MYZAP: variants seen among roughly 807,000 people sequenced by gnomAD.
The protein encoded by MYZAP is myocardial zonula adherens protein, also known as GRINL1A complex locus upstream.
Under a neutral mutation model 69.4 loss-of-function variants are expected in MYZAP, and 66 were observed. The ratio of observed to expected loss-of-function variants is 0.95; its 90% confidence interval spans 0.78 to 1.17. MYZAP has a LOEUF of 1.17. MYZAP is among the 50% of genes most tolerant of loss of function. The pLI, the probability that MYZAP is intolerant of heterozygous loss-of-function variation, is 0.00. For synonymous variants in MYZAP, 256 were observed against 205.9 expected (o/e 1.24, Z -2.09); for missense variants, 611 against 556.2 (o/e 1.10, Z -0.99).
chr15:57,680,328 C>G (rs1235802038), intron 12 of MYZAP, among the ~76,000 whole-genome samples: 6 of 152,136 alleles, frequency 3.9e-5, no homozygotes, highest in South Asian at 2.1e-4. Flanking sequence ...GTCTAATCTA[C>G]TCAGTACCAT....
intron 11 of MYZAP, 91 bp downstream of exon 11, chr15:57,661,624 G>A (rs1364569832): frequency 8.9e-7 from 1 of 1,119,306 alleles, no homozygotes; most frequent in South Asian, 1.6e-5. Flanking sequence ...TAAAAATATG[G>A]CTATTTCCCG....
In MYZAP at chr15:57,632,547, G is replaced by A; in HGVS notation, c.792G>A (p.Lys264=). 3 of 1,614,126 alleles carry A rather than the reference G, an allele frequency of 1.9e-6. No individual in the cohort carries two copies. The highest frequency in any genetic ancestry group is 2.2e-5 in the South Asian group (2 of 91,066). ...QEEQRKHSAE[K]EALLEETNSF... Reference sequence around the variant, plus strand: ...AACAGAGGAAGCACAGTGCTGAGAAGGAGGCTCTTTTGGTGTGTGTGTTGT... The same window carrying A: ...AACAGAGGAAGCACAGTGCTGAGAAAGAGGCTCTTTTGGTGTGTGTGTTGT... Residue 264 remains lysine (K), a synonymous_variant, in exon 7 of 13, where the codon AAG becomes AAA. Transcript: ENST00000267853.
intron 11 of MYZAP, among the ~76,000 whole-genome samples, chr15:57,673,249 A>G (rs1372004994): frequency 6.6e-6 from 1 of 152,108 alleles, no homozygotes; most frequent in Non-Finnish European, 1.5e-5. Context: ...CCCCCTACCT[A>G]TAGGTATTAG....
At chr15:57,638,294 G>A (rs2036933778) in intron 9 of MYZAP, among the ~76,000 whole-genome samples, 1 of 152,156 alleles carries the variant, frequency 6.6e-6, no homozygotes, top group Admixed American at 6.5e-5. Flanking sequence ...AGGAAAACAA[G>A]GTTGAGATGA....
chr15:57,650,335 G>A (rs2037666305), intron 10 of MYZAP, among the ~76,000 whole-genome samples: 1 of 152,168 alleles, frequency 6.6e-6, no homozygotes, highest in Non-Finnish European at 1.5e-5. Context: ...TTATGGGACA[G>A]TTGGTACACG....
rs1176012391 is a variant in MYZAP at position 57,625,731 on chromosome 15, G to C, written c.412-48G>C. On this transcript the variant is annotated intron_variant, in intron 4 of 12. Transcript: ENST00000267853. The stretch of plus-strand genomic sequence containing the variant: ...TTCCAGCCTAACTGAAGATTGTCGT[G>C]AACGTGTAGGGATTGATTTTGTGTG... The C allele has an allele frequency of 8.3e-6, 13 of 1,566,530 alleles. No individual in the cohort carries two copies. The East Asian group carries it at 2.9e-4, about 35-fold the overall frequency.
chr15:57,635,271 C>G (rs184783760), intron 8 of MYZAP, among the ~76,000 whole-genome samples: 1 of 152,294 alleles, frequency 6.6e-6, no homozygotes, highest in East Asian at 1.9e-4. Flanking sequence ...AAAATCCACG[C>G]CAAGTGCTAA....
chr15:57,648,372 C>T, intron 10 of MYZAP: 1 of 985,384 alleles, frequency 1.0e-6, no homozygotes, highest in South Asian at 4.7e-5. Flanking sequence ...AACTGTTTCT[C>T]AGACACCTGG....
intron 10 of MYZAP, chr15:57,646,204 T>C: frequency 1.6e-6 from 2 of 1,289,392 alleles, no homozygotes; most frequent in Non-Finnish European, 2.0e-6. Flanking sequence ...GTTGGTAGCC[T>C]GCTCTGGGTT....
At chr15:57,673,280 C>T (rs2038954794) in intron 11 of MYZAP, among the ~76,000 whole-genome samples, 1 of 152,104 alleles carries the variant, frequency 6.6e-6, no homozygotes, top group Admixed American at 6.5e-5. Flanking sequence ...CTGTGAAATC[C>T]TTATGATTAA....
chr15:57,597,823 G>A (rs1204297521), intron 1 of MYZAP, among the ~76,000 whole-genome samples: 1 of 152,192 alleles, frequency 6.6e-6, no homozygotes, highest in Non-Finnish European at 1.5e-5. Context: ...TAATCTAGAT[G>A]GGGCATACAC....
intron 2 of MYZAP, among the ~76,000 whole-genome samples, chr15:57,608,608 A>G (rs140870827): frequency 2.0e-3 from 299 of 152,304 alleles, no homozygotes; most frequent in Non-Finnish European, 3.2e-3. Flanking sequence ...TAAAGTAGAC[A>G]CAACAATGCC....
intron 3 of MYZAP, among the ~76,000 whole-genome samples, chr15:57,618,873 A>G (rs2035636983): frequency 2.0e-5 from 3 of 152,140 alleles, no homozygotes; most frequent in Admixed American, 6.5e-5. Context: ...GCTTATATGG[A>G]AGAGGAGATG....
intron 12 of MYZAP, among the ~76,000 whole-genome samples, chr15:57,680,234 C>T (rs1489212638): frequency 6.6e-6 from 1 of 152,102 alleles, no homozygotes; most frequent in Non-Finnish European, 1.5e-5. Context: ...CTCCTTGACT[C>T]ACTCACTCAT....
chr15:57,604,238 C>T (rs2034595561), intron 1 of MYZAP, 31 bp from the exon 2 acceptor site: 1 of 1,611,854 alleles, frequency 6.2e-7, no homozygotes, highest in Non-Finnish European at 8.5e-7. Context: ...ATGCTGACTC[C>T]TAACTGGCCT....
chr15:57,680,870 A>G (rs2039398238), intron 12 of MYZAP: 1 of 152,166 alleles, frequency 6.6e-6, no homozygotes, highest in African/African-American at 2.4e-5. Flanking sequence ...TCAAAGCTTT[A>G]TTTGCTGATT....
intron 10 of MYZAP, among the ~76,000 whole-genome samples, chr15:57,641,219 T>C (rs151056916): frequency 0.016 from 2,410 of 152,270 alleles, 35 homozygotes; most frequent in Middle Eastern, 0.024. Context: ...AACCCTTACC[T>C]GTAAGAGGTT....
intron 10 of MYZAP, chr15:57,646,894 A>T (rs551863741): frequency 7.1e-6 from 7 of 985,440 alleles, no homozygotes; most frequent in Non-Finnish European, 8.4e-6. Flanking sequence ...AACATCCTTC[A>T]TGTATGTTTT....
At chr15:57,634,402 G>A (rs1222320478) in intron 8 of MYZAP, among the ~76,000 whole-genome samples, 2 of 152,206 alleles carry the variant, frequency 1.3e-5, no homozygotes, top group Non-Finnish European at 2.9e-5. Flanking sequence ...TCAGGGCCAA[G>A]TCTGTGGCTG....
Sources: gnomAD v4.1 joint callset for allele counts (sites outside exome capture counted in the v4.1 genomes callset) on GRCh38, gnomAD v4.1.1 for gene constraint, MANE v1.5 for transcripts, NCBI Gene and HGNC (gene_info 2026-07-23, HGNC 2026-07-21) for gene names.